The following CHST2 variants were observed in gnomAD, a reference collection of about 807,000 sequenced individuals.
CHST2 encodes the protein N-acetylglucosamine 6-O-sulfotransferase 1.
In CHST2, 23 loss-of-function variants were observed where a neutral mutation model predicts 34.6. That is an observed-to-expected ratio of 0.67 (90% confidence interval 0.48 to 0.94). CHST2 has a LOEUF of 0.94. Ranked by LOEUF, CHST2 falls within the 40% of genes least tolerant of loss-of-function variation. The probability of loss-of-function intolerance (pLI) is 0.00; values close to 1 mark genes in which losing one functional copy is unlikely to be tolerated. For missense variants in CHST2, 720 were observed against 759.5 expected (o/e 0.95, Z 0.61); for synonymous variants, 392 against 343.1 (o/e 1.14, Z -1.58).
In CHST2 at chr3:143,121,506, C is replaced by T; in HGVS notation, c.690C>T (p.Val230=). 2 of 1,611,788 alleles carry T rather than the reference C, an allele frequency of 1.2e-6. No individual in the cohort carries two copies. Among genetic ancestry groups the T allele is most frequent in the Non-Finnish European group, 1.7e-6 (2 of 1,179,070 alleles). ...LSALYRCDLS[V]FQLYSPAGSG... The stretch of plus-strand genomic sequence containing the variant: ...CTCTTTACCGCTGCGACCTCTCTGT[C>T]TTCCAGTTGTATAGCCCCGCGGGCA... Residue 230 remains valine (V), a synonymous_variant, in exon 2 of 2, where the codon GTC becomes GTT. Coordinates refer to ENST00000309575, the MANE Select transcript of CHST2 (RefSeq NM_004267.5).
At position 143,122,588 on chromosome 3, in the gene CHST2, G is replaced by A. The variant is rs1936242909; in HGVS notation, c.*179G>A. 1.3e-5 allele frequency: 8 copies of A among 630,932 alleles called. No homozygotes were observed. The South Asian group carries it at 2.4e-4, about 19-fold the overall frequency. The allele number at this position is 630,932 out of a possible 1,614,324, so 39.1% of individuals were successfully genotyped here. On this transcript the variant is annotated 3_prime_UTR_variant, in exon 2 of 2. Transcript: ENST00000309575. The stretch of plus-strand genomic sequence containing the variant: ...TTGAGTCAGTGCATTTCAAGGAACA[G>A]CCACAAAATACACACCCCTAAGAAA...
In CHST2 at chr3:143,121,403, C is replaced by T; in HGVS notation, c.587C>T (p.Pro196Leu). The change falls in exon 2 of 2, where the codon CCA becomes CTA. Residue 196 changes from proline (P) to leucine (L), a missense_variant. Transcript: ENST00000309575. ...QNPEVFFLYE[P>L]VWHVWQKLYP... ...CCCGAGGTGTTCTTTCTCTACGAGC[C>T]AGTGTGGCATGTATGGCAAAAACTG... is the stretch of plus-strand genomic sequence containing the variant. The T allele has an allele frequency of 3.7e-6, 6 of 1,613,928 alleles. No individual in the cohort carries two copies. Among genetic ancestry groups the T allele is most frequent in the Non-Finnish European group, 2.5e-6 (3 of 1,180,020 alleles).
At position 143,121,338 on chromosome 3, in the gene CHST2, C is replaced by T. The variant is rs1164468813; in HGVS notation, c.522C>T (p.Arg174=). ...TGGTGTACGTGTTCACCACGTGGCG[C>T]TCTGGCTCGTCGTTCTTCGGCGAGC... ...RQLVYVFTTW[R]SGSSFFGELF... is the part of the protein sequence containing the mutation. The change falls in exon 2 of 2, where the codon CGC becomes CGT. Residue 174 remains arginine (R), a synonymous_variant. Coordinates refer to ENST00000309575, the MANE Select transcript of CHST2 (RefSeq NM_004267.5). 1.9e-6 allele frequency: 3 copies of T among 1,613,430 alleles called. No individual in the cohort carries two copies. The highest frequency in any genetic ancestry group is 2.7e-5 in the African/African-American group (2 of 74,940).
chr3:143,122,596 A>AT lies in CHST2; in HGVS notation c.*188dup, dbSNP rs1936243029. On this transcript the variant is annotated 3_prime_UTR_variant, in exon 2 of 2. Coordinates refer to ENST00000309575, the MANE Select transcript of CHST2 (RefSeq NM_004267.5). ...GTGCATTTCAAGGAACAGCCACAAA[A>AT]TACACACCCCTAAGAAAAGGCAAGA... 1 of 584,214 alleles carries AT rather than the reference A, an allele frequency of 1.7e-6. No individual in the cohort carries two copies. Among genetic ancestry groups the AT allele is most frequent in the Non-Finnish European group, 2.8e-6 (1 of 354,634 alleles). 36.2% of individuals were successfully genotyped at this position (584,214 alleles called of 1,614,324 possible).
rs1171473854 is a variant in CHST2, at chr3:143,120,652, C to A, written c.-165C>A. On this transcript the variant is annotated 5_prime_UTR_variant, in exon 2 of 2. Coordinates refer to ENST00000309575, the MANE Select transcript of CHST2 (RefSeq NM_004267.5). This position sits in a 1 kb window ranked among gnomAD's most constrained non-coding sequence, Gnocchi z 4.1. Reference sequence around the variant, plus strand: ...TCCGCTTCCCCTCGCAGGTCCTACCCGGAGCCGCTGCCATGGGAGAGCCAG... The same window carrying A: ...TCCGCTTCCCCTCGCAGGTCCTACCAGGAGCCGCTGCCATGGGAGAGCCAG... 3.9e-6 allele frequency: 2 copies of A among 517,112 alleles called. No homozygotes were observed. The highest frequency in any genetic ancestry group is 4.9e-5 in the East Asian group (1 of 20,570). 32.0% of individuals were successfully genotyped at this position (517,112 alleles called of 1,614,324 possible).
Position 143,122,579 on chromosome 3 carries a change from C to A in CHST2, c.*170C>A. 1 of 677,298 alleles carries A rather than the reference C, an allele frequency of 1.5e-6. No individual in the cohort carries two copies. Among genetic ancestry groups the A allele is most frequent in the Admixed American group, 3.7e-5 (1 of 26,930 alleles). The allele number at this position is 677,298 out of a possible 1,614,324, so 42.0% of individuals were successfully genotyped here. A position where few individuals can be genotyped will look rare whatever the true frequency, so the allele number is the denominator to read the frequency against. On this transcript the variant is annotated 3_prime_UTR_variant, in exon 2 of 2. Transcript: ENST00000309575. ...GTCAATGTTTTGAGTCAGTGCATTT[C>A]AAGGAACAGCCACAAAATACACACC...
rs1027651496 is a variant in CHST2, at chr3:143,120,575, G to A, written c.-174+34G>A. ...AGGAACCGGGCAGAACCGAGGGTGG[G>A]CGTTACTTAGGAGGAGGAGGCTGGG... is the stretch of plus-strand genomic sequence containing the variant. On this transcript the variant is annotated intron_variant, in intron 1 of 1. Transcript: ENST00000309575. The surrounding 1 kb of genome is among the most constrained non-coding windows in gnomAD (Gnocchi z 4.1). 8.5e-5 allele frequency: 23 copies of A among 271,424 alleles called. No individual in the cohort carries two copies. The highest frequency in any genetic ancestry group is 1.5e-4 in the Non-Finnish European group (22 of 148,568). The allele number at this position is 271,424 out of a possible 1,614,324, so 16.8% of individuals were successfully genotyped here. A position where few individuals can be genotyped will look rare whatever the true frequency, so the allele number is the denominator to read the frequency against.
rs1190885459 is a variant in CHST2, at chr3:143,122,947, G to C, written c.*538G>C. 1 of 166,986 alleles carries C rather than the reference G, an allele frequency of 6.0e-6. No individual in the cohort carries two copies. Among genetic ancestry groups the C allele is most frequent in the Non-Finnish European group, 1.5e-5 (1 of 68,128 alleles). 10.3% of individuals were successfully genotyped at this position (166,986 alleles called of 1,614,324 possible). On this transcript the variant is annotated 3_prime_UTR_variant, in exon 2 of 2. Transcript: ENST00000309575. ...GTTACATGTGAGTATTAATAAAGAAGATAATAAATAATATTCTTTTTAATA... is the reference window on the plus strand; with the variant it reads ...GTTACATGTGAGTATTAATAAAGAACATAATAAATAATATTCTTTTTAATA...
Position 143,122,400 on chromosome 3 carries a change from C to A in CHST2, c.1584C>A (p.Pro528=), listed in dbSNP as rs980965410. 3 of 1,591,462 alleles carry A rather than the reference C, an allele frequency of 1.9e-6. No individual in the cohort carries two copies. The highest frequency in any genetic ancestry group is 2.7e-5 in the African/African-American group (2 of 74,102). ...TCAGCAAGACCCTGCTTCGGAAGCC[C>A]CGTCTCTAAAAGGGGTTCCCAGGAG... is the stretch of plus-strand genomic sequence containing the variant. ...KDLSKTLLRK[P]RL The change falls in exon 2 of 2, where the codon CCC becomes CCA. Residue 528 remains proline, a synonymous_variant. Transcript: ENST00000309575.
Position 143,121,778 on chromosome 3 carries a change from C to T in CHST2, c.962C>T (p.Pro321Leu). Residue 321 changes from proline to leucine, a missense_variant, in exon 2 of 2, where the codon CCG (proline) becomes CTG (leucine). Pro to Leu is a moderately conservative substitution (Grantham distance 98). Coordinates refer to ENST00000309575, the MANE Select transcript of CHST2 (RefSeq NM_004267.5). ...VAVLAPLLRDPALDLKVIHLV... is the reference protein window; with the variant it reads ...VAVLAPLLRDLALDLKVIHLV... ...GTCTTGGCGCCACTGCTGCGAGACC[C>T]GGCCCTGGACCTCAAGGTCATCCAC... The T allele has an allele frequency of 6.2e-7, 1 of 1,607,274 alleles. No individual in the cohort carries two copies. The highest frequency in any genetic ancestry group is 8.5e-7 in the Non-Finnish European group (1 of 1,176,806).
Position 143,120,337 on chromosome 3 carries a change from C to T in CHST2, c.-378C>T, listed in dbSNP as rs1559816109. On this transcript the variant is annotated 5_prime_UTR_variant, in exon 1 of 2. Transcript: ENST00000309575. The surrounding 1 kb of genome is among the most constrained non-coding windows in gnomAD (Gnocchi z 4.1). ...GCGGAGCGCGGAGCGGGGCTCTGGGCCGCGTGAAAGTTTTTCTTCCCGAGC... is the reference window on the plus strand; with the variant it reads ...GCGGAGCGCGGAGCGGGGCTCTGGGTCGCGTGAAAGTTTTTCTTCCCGAGC... 1 of 153,110 alleles carries T rather than the reference C, an allele frequency of 6.5e-6. No individual in the cohort carries two copies. The highest frequency in any genetic ancestry group is 1.5e-5 in the Non-Finnish European group (1 of 68,646). The allele number at this position is 153,110 out of a possible 1,614,324, so 9.5% of individuals were successfully genotyped here.
rs145959139 is a variant in CHST2, at chr3:143,121,829, C to T, written c.1013C>T (p.Ala338Val). 2 of 1,593,102 alleles carry T rather than the reference C, an allele frequency of 1.3e-6. No homozygotes were observed. The highest frequency in any genetic ancestry group is 1.7e-4 in the Middle Eastern group (1 of 5,978). ...TTGGTGCGTGATCCCCGCGCGGTGG[C>T]GAGTTCACGGATCCGCTCGCGCCAC... ...IHLVRDPRAV[A>V]SSRIRSRHGL... The change falls in exon 2 of 2, where the codon GCG becomes GTG. Residue 338 changes from alanine (A) to valine (V), a missense_variant. Ala to Val is a moderately conservative substitution (Grantham distance 64, BLOSUM62 0). Transcript: ENST00000309575.
rs1387000311 is a variant in CHST2 at position 143,121,134 on chromosome 3, AGGGCCGCCTCCGGCC to A, written c.327_341del (p.Pro110_Pro114del). On this transcript the variant is annotated inframe_deletion, in exon 2 of 2. Transcript: ENST00000309575. The stretch of plus-strand genomic sequence containing the variant: ...CAGCCGGAGGCAGCTGGGGGCGCCC[AGGGCCGCCTCCGGCC>A]GGGCCGCCCCGTGCTCATGCCCGTT... The A allele has an allele frequency of 4.1e-6, 6 of 1,462,986 alleles. No homozygotes were observed. The Admixed American group carries it at 1.7e-4, about 41-fold the overall frequency. The allele number at this position is 1,462,986 out of a possible 1,614,324, so 90.6% of individuals were successfully genotyped here. A position where few individuals can be genotyped will look rare whatever the true frequency, so the allele number is the denominator to read the frequency against.
chr3:143,121,264 C>G lies in CHST2; in HGVS notation c.448C>G (p.Pro150Ala). The change falls in exon 2 of 2, where the codon CCA becomes GCA. Residue 150 changes from proline (P) to alanine (A), a missense_variant. Transcript: ENST00000309575. ...AGGGATGGCGGGGGTTGCGGCCCCT[C>G]CAGGCAATGGCACTCGGGGCACCGG... ...AAGMAGVAAP[P>A]GNGTRGTGGV... 6.2e-7 allele frequency: 1 copy of G among 1,600,122 alleles called. No individual in the cohort carries two copies. Among genetic ancestry groups the G allele is most frequent in the Non-Finnish European group, 8.5e-7 (1 of 1,174,544 alleles).
rs559731019 is a variant in CHST2 at position 143,120,830 on chromosome 3, C to T, written c.14C>T (p.Pro5Leu). ...ATTGTGCCTGTGATGAGCCGCAGCCCGCAGCGAGCTCTGCCCCCGGGCGCG... is the reference window on the plus strand; with the variant it reads ...ATTGTGCCTGTGATGAGCCGCAGCCTGCAGCGAGCTCTGCCCCCGGGCGCG... The part of the protein sequence containing the change: MSRS[P>L]QRALPPGALP... Residue 5 changes from proline to leucine, a missense_variant, in exon 2 of 2, where the codon CCG becomes CTG. Coordinates refer to ENST00000309575, the MANE Select transcript of CHST2 (RefSeq NM_004267.5). The surrounding 1 kb of genome is among the most constrained non-coding windows in gnomAD (Gnocchi z 4.1). 3.9e-4 allele frequency: 510 copies of T among 1,315,770 alleles called. 5 individuals carry two copies. In the African/African-American group the frequency reaches 7.3e-3, roughly 19 times the overall value. The allele number at this position is 1,315,770 out of a possible 1,614,324, so 81.5% of individuals were successfully genotyped here.
rs1253786434 is a variant in CHST2, at chr3:143,121,962, C to T, written c.1146C>T (p.Gly382=). 7 of 1,585,316 alleles carry T rather than the reference C, an allele frequency of 4.4e-6. No homozygotes were observed. Among genetic ancestry groups the T allele is most frequent in the Non-Finnish European group, 6.0e-6 (7 of 1,166,016 alleles). The change falls in exon 2 of 2, where the codon GGC becomes GGT. Residue 382 remains glycine, a synonymous_variant. Coordinates refer to ENST00000309575, the MANE Select transcript of CHST2 (RefSeq NM_004267.5). ...AGHKLGAKKE[G]VGGPADYHAL... ...ACAAGCTTGGCGCCAAGAAGGAGGG[C>T]GTGGGCGGCCCCGCAGACTACCACG... is the stretch of plus-strand genomic sequence containing the variant.
Position 143,122,715 on chromosome 3 carries a change from T to C in CHST2, c.*306T>C, listed in dbSNP as rs1936248784. 3 of 255,880 alleles carry C rather than the reference T, an allele frequency of 1.2e-5. No individual in the cohort carries two copies. Among genetic ancestry groups the C allele is most frequent in the Non-Finnish European group, 2.4e-5 (3 of 127,056 alleles). 15.9% of individuals were successfully genotyped at this position (255,880 alleles called of 1,614,324 possible). ...CCCTGTCCTCCACCTGCCTTCCATT[T>C]TGAAGTGGGATGTTAATGAAATCAA... On this transcript the variant is annotated 3_prime_UTR_variant, in exon 2 of 2. Transcript: ENST00000309575.
Position 143,122,109 on chromosome 3 carries a change from C to G in CHST2, c.1293C>G (p.Asp431Glu). ...TGCGGTACGAGGACCTGGTGGGAGACCCCGTCAAGACACTACGGAGAGTGT... is the reference window on the plus strand; with the variant it reads ...TGCGGTACGAGGACCTGGTGGGAGAGCCCGTCAAGACACTACGGAGAGTGT... ...LVVRYEDLVG[D>E]PVKTLRRVYD... The change falls in exon 2 of 2, where the codon GAC becomes GAG. Residue 431 changes from aspartate (D) to glutamate (E), a missense_variant. Asp to Glu is a conservative substitution (Grantham distance 45). Transcript: ENST00000309575. The G allele has an allele frequency of 6.8e-6, 11 of 1,614,176 alleles. No individual in the cohort carries two copies. Among genetic ancestry groups the G allele is most frequent in the Non-Finnish European group, 9.3e-6 (11 of 1,180,014 alleles).
rs1306280014 is a variant in CHST2 at position 143,123,923 on chromosome 3, G to C, written c.*1514G>C. The C allele has an allele frequency of 6.6e-6, 1 of 152,222 alleles. No individual in the cohort carries two copies. Among genetic ancestry groups the C allele is most frequent in the Non-Finnish European group, 1.5e-5 (1 of 68,040 alleles). The allele number at this position is 152,222 out of a possible 1,614,324, so 9.4% of individuals were successfully genotyped here. On this transcript the variant is annotated 3_prime_UTR_variant, in exon 2 of 2. Coordinates refer to ENST00000309575, the MANE Select transcript of CHST2 (RefSeq NM_004267.5). ...TTGGTACTGAAACATTCTGCAGAAT[G>C]TTATACTATGAGAAGAAATTGTGAA... is the stretch of plus-strand genomic sequence containing the variant.
Sources: gnomAD v4.1 joint callset for allele counts on GRCh38, gnomAD v4.1.1 for gene constraint, Gnocchi (gnomAD v3.1) non-coding constraint, MANE v1.5 for transcripts, NCBI Gene and HGNC (gene_info 2026-07-23, HGNC 2026-07-21) for gene names.